Variants in DCTN1 observed in about 807,000 individuals in gnomAD.
The protein encoded by DCTN1 is dynactin subunit 1, also known as 150 kDa dynein-associated polypeptide.
DCTN1 carries 61 observed loss-of-function variants against 161.2 expected under a neutral mutation model. That is an observed-to-expected ratio of 0.38 (90% CI 0.31 to 0.47). DCTN1 has a LOEUF of 0.47. Ranked by LOEUF, DCTN1 falls within the 20% of genes least tolerant of loss-of-function variation. The pLI is 0.99. For missense variants in DCTN1, 1,404 were observed against 1,623.7 expected (o/e 0.86, Z 2.33); for synonymous variants, 653 against 632.4 (o/e 1.03, Z -0.49).
chr2:74,362,837 G>C, intron 29 of DCTN1, 108 bp from the exon 30 acceptor site: 2 of 1,301,766 alleles, frequency 1.5e-6, no homozygotes, highest in South Asian at 1.3e-5. Flanking sequence ...ACAAGTACTT[G>C]AGAGAGAGTG....
Position 74,371,707 on chromosome 2 carries a change from C to G in DCTN1, c.475G>C (p.Gly159Arg). 1 of 1,608,694 alleles carries G rather than the reference C, an allele frequency of 6.2e-7. No individual in the cohort carries two copies. The highest frequency in any genetic ancestry group is 1.1e-5 in the South Asian group (1 of 89,672). ...RPKPTRPAST[G>R]VAGASSSLGP... is the part of the protein sequence containing the mutation. ...AGGGAGCTACTGGCCCCAGCCACCC[C>G]AGTACTGGCTGGGCGCGTGGGCTAT... Residue 159 changes from glycine to arginine, a missense_variant, in exon 8 of 32, where the codon GGG (glycine) becomes CGG (arginine). By Grantham distance (125) the Gly-to-Arg change is moderately radical. This residue lies in a region of DCTN1 where 174 missense variants were observed against 175.6 expected (regional missense o/e 0.99). Coordinates refer to ENST00000628224, the MANE Select transcript of DCTN1 (RefSeq NM_004082.5).
At position 74,371,122 on chromosome 2, in the gene DCTN1, G is replaced by A. The variant is rs13017086; in HGVS notation, c.700C>T (p.Leu234=). The change falls in exon 9 of 32, where the codon CTG becomes TTG. Residue 234 remains leucine (L), a synonymous_variant. Coordinates refer to ENST00000628224, the MANE Select transcript of DCTN1 (RefSeq NM_004082.5). ...VRDLEEKLET[L]RLKRAEDKAK... ...TTGTCTTCTGCCCGTTTCAGTCTCA[G>A]GGTCTCTAGTTTCTCCTCCAGGTCC... 1.2e-6 allele frequency: 2 copies of A among 1,614,174 alleles called. No individual in the cohort carries two copies. Among genetic ancestry groups the A allele is most frequent in the South Asian group, 1.1e-5 (1 of 91,084 alleles).
rs760627140 is a variant in DCTN1 at position 74,362,101 on chromosome 2, G to C, written c.3650C>G (p.Ala1217Gly). ...GGTGGCAAAGTCAGTGGGTACTGTG[G>C]CTCCAGGGCGCTGAGATACTGTCTC... Reference protein sequence around the residue: ...LKETVSQRPGATVPTDFATFP... With the variant: ...LKETVSQRPGGTVPTDFATFP... Residue 1217 changes from alanine (A) to glycine (G), a missense_variant, in exon 31 of 32, where the codon GCC becomes GGC. This residue lies in a region of DCTN1 where 311 missense variants were observed against 298.9 expected (regional missense o/e 1.04). Transcript: ENST00000628224. 3 of 1,613,834 alleles carry C rather than the reference G, an allele frequency of 1.9e-6. No homozygotes were observed. The highest frequency in any genetic ancestry group is 2.5e-6 in the Non-Finnish European group (3 of 1,179,876).
Position 74,370,126 on chromosome 2 carries a change from G to T in DCTN1, c.1288-57C>A. The T allele has an allele frequency of 6.2e-7, 1 of 1,613,870 alleles. No homozygotes were observed. Among genetic ancestry groups the T allele is most frequent in the South Asian group, 1.1e-5 (1 of 91,084 alleles). On this transcript the variant is annotated intron_variant, in intron 12 of 31. Transcript: ENST00000628224. The surrounding 1 kb of genome is among the most constrained non-coding windows in gnomAD (Gnocchi z 4.4). ...GCTGGAAGGTACCTAGAAAGAGGAGGCATCAACTGATAGGAGAGTCAGGTG... is the reference window on the plus strand; with the variant it reads ...GCTGGAAGGTACCTAGAAAGAGGAGTCATCAACTGATAGGAGAGTCAGGTG...
At chr2:74,371,967 G>A in intron 7 of DCTN1, 1 of 534,856 alleles carries the variant, frequency 1.9e-6, no homozygotes, top group Admixed American at 3.3e-5. Flanking sequence ...GAGAGAGGGA[G>A]GAAAAGATAA....
At position 74,378,161 on chromosome 2, in the gene DCTN1, G is replaced by A; in HGVS notation, c.118C>T (p.His40Tyr). 6.2e-7 allele frequency: 1 copy of A among 1,614,172 alleles called. No individual in the cohort carries two copies. The highest frequency in any genetic ancestry group is 1.3e-5 in the African/African-American group (1 of 75,060). ...GSRVEVIGKG[H>Y]RGTVAYVGAT... ...CCAACATAGGCCACAGTGCCTCGGT[G>A]GCCTTTTCCAATCACCTCTACACGG... The change falls in exon 2 of 32, where the codon CAC (histidine) becomes TAC (tyrosine). Residue 40 changes from histidine (H) to tyrosine (Y), a missense_variant. Transcript: ENST00000628224.
At chr2:74,364,103 AAGTTTCATAAATTCAGAACT>A (rs1471523086) in intron 26 of DCTN1, 1 of 196,534 alleles carries the variant, frequency 5.1e-6, no homozygotes, top group African/African-American at 2.3e-5. Flanking sequence ...TTTTGGTGGG[AAGTTTCATAAATTCAGAACT>A]ATGTTTGTTT....
chr2:74,364,211 C>T (rs545191330), intron 26 of DCTN1: 4 of 166,140 alleles, frequency 2.4e-5, no homozygotes, highest in African/African-American at 7.2e-5. Flanking sequence ...CCAAAGAACA[C>T]AGAGCTGTCT....
intron 6 of DCTN1, 133 bp from the exon 7 acceptor site, chr2:74,373,081 C>A: frequency 1.3e-6 from 1 of 786,152 alleles, no homozygotes; most frequent in Non-Finnish European, 2.2e-6. Flanking sequence ...GCCACCCTCC[C>A]CCCCATCCCA....
At position 74,376,793 on chromosome 2, in the gene DCTN1, G is replaced by C. The variant is rs775186320; in HGVS notation, c.394-31C>G. ...TGAGGAGTAGGAAAGGGCAGAGTTA[G>C]AGAACAGATGTCCTGGGCATAGGTG... On this transcript the variant is annotated intron_variant, in intron 4 of 31. Coordinates refer to ENST00000628224, the MANE Select transcript of DCTN1 (RefSeq NM_004082.5). The C allele has an allele frequency of 9.4e-6, 15 of 1,593,996 alleles. 1 individual carries two copies. Among genetic ancestry groups the C allele is most frequent in the South Asian group, 4.6e-5 (4 of 87,670 alleles).
upstream of DCTN1, among the ~76,000 whole-genome samples, chr2:74,382,212 T>C (rs1186919317): frequency 6.6e-6 from 1 of 152,242 alleles, no homozygotes; most frequent in Non-Finnish European, 1.5e-5. Context: ...AGTCCCCTAA[T>C]TTCTTGGAAT....
chr2:74,383,763 C>T (rs1241112503), upstream of DCTN1: 2 of 152,182 alleles, frequency 1.3e-5, no homozygotes, highest in African/African-American at 2.4e-5. Flanking sequence ...CTTTGGTTCT[C>T]CTCTGAGCAA....
At chr2:74,362,323 G>A (rs1020594799) in intron 30 of DCTN1, among the ~76,000 whole-genome samples, 182 bp from the exon 31 acceptor site, 1 of 152,072 alleles carries the variant, frequency 6.6e-6, no homozygotes, top group Admixed American at 6.5e-5. Flanking sequence ...TACTTTGCAA[G>A]TCCTCATCCT....
In DCTN1 at chr2:74,362,714, G is replaced by A. The variant is rs975026607; in HGVS notation, c.3545C>T (p.Ser1182Leu). 2.5e-5 allele frequency: 40 copies of A among 1,613,858 alleles called. No homozygotes were observed. The highest frequency in any genetic ancestry group is 3.0e-5 in the Non-Finnish European group (35 of 1,180,002). Residue 1182 changes from serine (S) to leucine (L), a missense_variant, in exon 30 of 32, where the codon TCG becomes TTG. By Grantham distance (145) the Ser-to-Leu change is moderately radical. Coordinates refer to ENST00000628224, the MANE Select transcript of DCTN1 (RefSeq NM_004082.5). Reference protein sequence around the residue: ...TRTSPAAKSPSAQLMEQVAQL... With the variant: ...TRTSPAAKSPLAQLMEQVAQL... ...AGCCACTTGCTCCATAAGTTGGGCC[G>A]ACGGGCTCTTGGCAGCTGTGGGGAG...
At position 74,369,611 on chromosome 2, in the gene DCTN1, G is replaced by A; in HGVS notation, c.1393-120C>T. 3 of 1,036,572 alleles carry A rather than the reference G, an allele frequency of 2.9e-6. No homozygotes were observed. Among genetic ancestry groups the A allele is most frequent in the Admixed American group, 1.7e-5 (1 of 58,250 alleles). 64.2% of individuals were successfully genotyped at this position (1,036,572 alleles called of 1,614,324 possible). A position where few individuals can be genotyped will look rare whatever the true frequency, so the allele number is the denominator to read the frequency against. Reference sequence around the variant, plus strand: ...GCAGGCGGATCATGAGGTCGAGATCGAGATCATGCTGGCCAACATGGTGAA... The same window carrying A: ...GCAGGCGGATCATGAGGTCGAGATCAAGATCATGCTGGCCAACATGGTGAA... On this transcript the variant is annotated intron_variant, in intron 13 of 31. Transcript: ENST00000628224. This position sits in a 1 kb window ranked among gnomAD's most constrained non-coding sequence, Gnocchi z 4.9.
chr2:74,371,400 T>A, intron 8 of DCTN1, 137 bp downstream of exon 8: 1 of 1,243,992 alleles, frequency 8.0e-7, no homozygotes, highest in Non-Finnish European at 1.1e-6. Flanking sequence ...AGTAGCAAGA[T>A]ATCCATAGGC....
chr2:74,383,050 C>A (rs1317615655), upstream of DCTN1, among the ~76,000 whole-genome samples: 1 of 151,122 alleles, frequency 6.6e-6, no homozygotes, highest in Non-Finnish European at 1.5e-5. Context: ...AGTCCGCAGT[C>A]CCGCCTGGGC....
chr2:74,369,405 G>A lies in DCTN1; in HGVS notation c.1479C>T (p.Gly493=), dbSNP rs754282487. 1.9e-5 allele frequency: 30 copies of A among 1,613,972 alleles called. No individual in the cohort carries two copies. Among genetic ancestry groups the A allele is most frequent in the East Asian group, 2.2e-5 (1 of 44,894 alleles). ...GCTTCTGGGCCTCACGAACCCGCGC[G>A]CCTGCCATGTCCAGCTGCTCCCGCA... ...LELREQLDMA[G]ARVREAQKRV... is the part of the protein sequence containing the mutation. The change falls in exon 14 of 32, where the codon GGC becomes GGT. Residue 493 remains glycine, a synonymous_variant. Coordinates refer to ENST00000628224, the MANE Select transcript of DCTN1 (RefSeq NM_004082.5). This position sits in a 1 kb window ranked among gnomAD's most constrained non-coding sequence, Gnocchi z 4.9.
At chr2:74,385,854 A>G (rs1675702867) in intron 1 of DCTN1, 1 of 152,226 alleles carries the variant, frequency 6.6e-6, no homozygotes, top group African/African-American at 2.4e-5. Flanking sequence ...ACAAACTGAG[A>G]AAACACATAA....
Sources: gnomAD v4.1 joint callset for allele counts (sites outside exome capture counted in the v4.1 genomes callset) on GRCh38, gnomAD v4.1.1 for gene constraint, gnomAD v4.1.1 regional missense constraint, Gnocchi (gnomAD v3.1) non-coding constraint, MANE v1.5 for transcripts, NCBI Gene and HGNC (gene_info 2026-07-23, HGNC 2026-07-21) for gene names.